The following BABAM2 variants were observed in gnomAD, a reference collection of about 807,000 sequenced individuals.
BABAM2 encodes BRISC and BRCA1 A complex member 2.
A neutral mutation model predicts 54.7 loss-of-function variants in BABAM2; 31 were observed. That is an observed-to-expected ratio of 0.57 (90% CI 0.43 to 0.77). The LOEUF is 0.77. BABAM2 is among the 30% of genes least tolerant of loss of function. BABAM2 has a pLI of 0.00. For synonymous variants in BABAM2, 167 were observed against 162.9 expected, an observed-to-expected ratio of 1.03 and a Z score of -0.19; for missense variants, 364 against 455.8, an observed-to-expected ratio of 0.80 and a Z score of 1.83.
At chr2:28,249,901 G>A (rs1683284318) in intron 10 of BABAM2, among the ~76,000 whole-genome samples, 1 of 152,106 alleles carries the variant, frequency 6.6e-6, no homozygotes, top group Non-Finnish European at 1.5e-5. Flanking sequence ...CCAAAGTGTT[G>A]GGATTACAGG....
At chr2:28,308,536 C>T (rs1241997000) in intron 11 of BABAM2, 1 of 511,376 alleles carries the variant, frequency 2.0e-6, no homozygotes, top group Non-Finnish European at 3.9e-6. Context: ...AAAGCCAACA[C>T]CCTGATCAGG....
chr2:27,988,567 C>A (rs1223677278), intron 4 of BABAM2, among the ~76,000 whole-genome samples: 1 of 151,924 alleles, frequency 6.6e-6, no homozygotes. Context: ...AGGGTAAAGA[C>A]CAGATTAAGT....
At chr2:28,153,173 T>A (rs1430840014) in intron 7 of BABAM2, among the ~76,000 whole-genome samples, 4 of 152,202 alleles carry the variant, frequency 2.6e-5, no homozygotes, top group African/African-American at 9.6e-5. Context: ...GTATTAGGAT[T>A]TCAGATCCTG....
At chr2:28,239,913 G>A (rs1682257406) in intron 8 of BABAM2, among the ~76,000 whole-genome samples, 1 of 152,144 alleles carries the variant, frequency 6.6e-6, no homozygotes, top group Non-Finnish European at 1.5e-5. Context: ...GGAGGGGTCT[G>A]GCTGTTGTCA....
At chr2:28,163,113 C>A (rs1673264009) in intron 7 of BABAM2, among the ~76,000 whole-genome samples, 1 of 151,982 alleles carries the variant, frequency 6.6e-6, no homozygotes, top group South Asian at 2.1e-4. Context: ...GAATGAGGTG[C>A]CCCCCGAAAA....
intron 3 of BABAM2, among the ~76,000 whole-genome samples, chr2:27,941,342 A>G (rs1205230327): frequency 6.6e-6 from 1 of 152,130 alleles, no homozygotes; most frequent in Non-Finnish European, 1.5e-5. Flanking sequence ...AGGCGGGCAG[A>G]TCACAAGGTC....
intron 11 of BABAM2, chr2:28,327,355 G>T (rs1690563150): frequency 1.2e-6 from 2 of 1,613,734 alleles, no homozygotes; most frequent in Non-Finnish European, 1.7e-6. Flanking sequence ...GCTGCAAGCT[G>T]CTCCAGCCCC....
At chr2:28,200,128 A>G (rs560906042) in intron 7 of BABAM2, among the ~76,000 whole-genome samples, 9 of 152,294 alleles carry the variant, frequency 5.9e-5, no homozygotes, top group African/African-American at 1.9e-4. Context: ...AACCCTACCT[A>G]TCTTCTAGGC....
rs1034681020 is a variant in BABAM2 at position 28,304,136 on chromosome 2, A to G, written c.1088+5645A>G. Among the ~76,000 whole-genome samples the G allele has an allele frequency of 1.3e-5, 2 of 151,652 alleles. No individual in the cohort carries two copies. The highest frequency in any genetic ancestry group is 4.8e-5 in the African/African-American group (2 of 41,256). On this transcript the variant is annotated intron_variant, in intron 11 of 11. Transcript: ENST00000379624. The surrounding 1 kb of genome is among the most constrained non-coding windows in gnomAD (Gnocchi z 4.0). ...AATGGCATGATCTTGGCTCACCGCAACCTCCACCTCCCAGGTTCAAGTGAT... is the reference window on the plus strand; with the variant it reads ...AATGGCATGATCTTGGCTCACCGCAGCCTCCACCTCCCAGGTTCAAGTGAT...
At chr2:28,014,163 A>T (rs533135074) in intron 4 of BABAM2, among the ~76,000 whole-genome samples, 1 of 152,160 alleles carries the variant, frequency 6.6e-6, no homozygotes, top group Non-Finnish European at 1.5e-5. Context: ...AGGGTCACAT[A>T]CAGGATGGGG....
intron 10 of BABAM2, among the ~76,000 whole-genome samples, chr2:28,275,437 C>A (rs1331355640): frequency 6.6e-6 from 1 of 152,144 alleles, no homozygotes; most frequent in African/African-American, 2.4e-5. Context: ...TCCATTGTAC[C>A]TATTGCCTAA....
chr2:28,156,675 T>C (rs1672569135), intron 7 of BABAM2, among the ~76,000 whole-genome samples: 1 of 152,194 alleles, frequency 6.6e-6, no homozygotes, highest in African/African-American at 2.4e-5. Context: ...GCAAAGAGCA[T>C]AAAAGGCTTA....
At chr2:28,075,539 TC>T (rs1664577320) in intron 6 of BABAM2, among the ~76,000 whole-genome samples, 1 of 151,558 alleles carries the variant, frequency 6.6e-6, no homozygotes, top group African/African-American at 2.4e-5. Context: ...TCTCTCTCTC[TC>T]TCTCTCTTTC....
At chr2:28,150,495 C>G (rs537083429) in intron 7 of BABAM2, among the ~76,000 whole-genome samples, 3 of 152,346 alleles carry the variant, frequency 2.0e-5, no homozygotes, top group African/African-American at 7.2e-5. Context: ...GATCATGGAA[C>G]TGTTGACACA....
At position 28,258,615 on chromosome 2, in the gene BABAM2, C is replaced by CTTTTTTTTTTTTTTTTTTTTT. The variant is rs70956008; in HGVS notation, c.934+13769_934+13770insTTTTTTTTTTTTTTTTTTTTT. Among the ~76,000 whole-genome samples, 32 of 100,044 alleles carry CTTTTTTTTTTTTTTTTTTTTT rather than the reference C, an allele frequency of 3.2e-4. 1 individual carries two copies. Among genetic ancestry groups the CTTTTTTTTTTTTTTTTTTTTT allele is most frequent in the African/African-American group, 1.0e-3 (27 of 26,866 alleles). 65.6% of individuals were successfully genotyped at this position (100,044 alleles called of 152,430 possible). A position where few individuals can be genotyped will look rare whatever the true frequency, so the allele number is the denominator to read the frequency against. ...CTTAAGTCTTTTTCTTTTTTCTTTT[C>CTTTTTTTTTTTTTTTTTTTTT]TTTTTTTTTTTTTTTTGAGACAGGA... On this transcript the variant is annotated intron_variant, in intron 10 of 11. Coordinates refer to ENST00000379624, the MANE Select transcript of BABAM2 (RefSeq NM_199191.3).
chr2:28,003,210 A>G (rs1199719294), intron 4 of BABAM2, among the ~76,000 whole-genome samples: 2 of 152,214 alleles, frequency 1.3e-5, no homozygotes, highest in East Asian at 1.9e-4. Context: ...TAGATAATTT[A>G]GTGTTGACCA....
At chr2:28,333,462 T>C (rs929159787) in intron 11 of BABAM2, among the ~76,000 whole-genome samples, 1 of 152,176 alleles carries the variant, frequency 6.6e-6, no homozygotes, top group African/African-American at 2.4e-5. Flanking sequence ...ACCCCCTGAC[T>C]CCTGATTCAG....
intron 11 of BABAM2, among the ~76,000 whole-genome samples, chr2:28,326,589 T>C (rs1690480200): frequency 6.6e-6 from 1 of 152,152 alleles, no homozygotes; most frequent in Admixed American, 6.5e-5. Context: ...ATCAAGCAGG[T>C]TATGATGGGC....
At chr2:28,039,803 C>T (rs148280446) in intron 5 of BABAM2, among the ~76,000 whole-genome samples, 3 of 152,280 alleles carry the variant, frequency 2.0e-5, no homozygotes, top group East Asian at 3.9e-4. Flanking sequence ...TGCTTGCCAA[C>T]GTACTATAAC....
Sources: allele counts gnomAD v4.1 joint callset (sites outside exome capture counted in the v4.1 genomes callset), GRCh38; gene constraint gnomAD v4.1.1; non-coding constraint Gnocchi (gnomAD v3.1); transcripts MANE v1.5; gene names NCBI Gene and HGNC (gene_info 2026-07-23, HGNC 2026-07-21).